Variants in CYFIP1 observed in about 807,000 individuals in gnomAD.
CYFIP1 encodes cytoplasmic FMR1-interacting protein 1.
A neutral mutation model predicts 163.5 loss-of-function variants in CYFIP1; 58 were observed. The ratio of observed to expected loss-of-function variants is 0.35; its 90% CI spans 0.29 to 0.44. The LOEUF (loss-of-function observed/expected upper bound fraction) is 0.44. Among genes scored for constraint, CYFIP1 ranks in the 20% least tolerant of loss-of-function variants. CYFIP1 has a pLI of 1.00. For missense variants in CYFIP1, 1,338 were observed against 1,653.8 expected, an observed-to-expected ratio of 0.81 and a Z score of 3.31; for synonymous variants, 663 against 660.7, an observed-to-expected ratio of 1.00 and a Z score of -0.05.
At chr15:22,932,514 G>A (rs983088725) in intron 10 of CYFIP1, among the ~76,000 whole-genome samples, 174 bp from the exon 11 acceptor site, 2 of 152,234 alleles carry the variant, frequency 1.3e-5, no homozygotes, top group African/African-American at 4.8e-5. Context: ...CCTGTGGCCT[G>A]TAAAGCCTAA....
intron 21 of CYFIP1, chr15:22,904,697 C>T (rs1266118072): frequency 2.0e-5 from 3 of 152,164 alleles, no homozygotes; most frequent in Non-Finnish European, 2.9e-5. Context: ...CGATCAAAGC[C>T]TCGACCAATG....
intron 9 of CYFIP1, among the ~76,000 whole-genome samples, chr15:22,934,978 T>C (rs1340788284): frequency 6.6e-6 from 1 of 152,118 alleles, no homozygotes; most frequent in African/African-American, 2.4e-5. Context: ...AATGATCATG[T>C]TTGTGCCTAG....
chr15:22,885,294 C>T (rs1334663300), intron 23 of CYFIP1, among the ~76,000 whole-genome samples: 1 of 152,158 alleles, frequency 6.6e-6, no homozygotes, highest in African/African-American at 2.4e-5. Context: ...ATCTCTAGGG[C>T]GGGGCAAAAT....
chr15:22,970,340 CATA>C (rs1407808883), intron 1 of CYFIP1, among the ~76,000 whole-genome samples: 1 of 152,156 alleles, frequency 6.6e-6, no homozygotes, highest in Non-Finnish European at 1.5e-5. Flanking sequence ...GATTGGAAGA[CATA>C]ATATTGTTAA....
At chr15:22,906,105 A>ATTTTT in intron 21 of CYFIP1, among the ~76,000 whole-genome samples, 1 of 145,582 alleles carries the variant, frequency 6.9e-6, no homozygotes, top group African/African-American at 2.6e-5. Flanking sequence ...TTATTTCTCG[A>ATTTTT]TTTATTTTTT....
intron 26 of CYFIP1, 93 bp from the exon 27 acceptor site, chr15:22,875,364 A>G (rs2059553710): frequency 9.5e-7 from 1 of 1,047,702 alleles, no homozygotes; most frequent in Non-Finnish European, 1.5e-6. Context: ...GCCTTTTAGC[A>G]TAAAATAAAC....
chr15:22,887,487 G>A (rs150968023), intron 23 of CYFIP1, among the ~76,000 whole-genome samples: 10 of 152,300 alleles, frequency 6.6e-5, no homozygotes, highest in South Asian at 4.1e-4. Context: ...AGAAGAACAC[G>A]AAAGTCATCA....
chr15:22,967,260 A>C (rs954001038), intron 1 of CYFIP1, among the ~76,000 whole-genome samples: 9 of 152,246 alleles, frequency 5.9e-5, no homozygotes, highest in Middle Eastern at 3.4e-3. Context: ...TAAATCTTGG[A>C]GAGTCTTCCT....
chr15:22,883,081 A>T, intron 23 of CYFIP1, 70 bp from the exon 24 acceptor site: 1 of 1,552,614 alleles, frequency 6.4e-7, no homozygotes, highest in East Asian at 2.3e-5. Context: ...CTGTGTGAGA[A>T]GATCACTCAA....
Position 22,903,921 on chromosome 15 carries a change from CA to C in CYFIP1, c.2389-17del, listed in dbSNP as rs1268524909. 1.9e-6 allele frequency: 3 copies of C among 1,612,586 alleles called. No individual in the cohort carries two copies. The highest frequency in any genetic ancestry group is 1.7e-4 in the Middle Eastern group (1 of 6,060). ...CATCCAGCTCCTGTGGCACCAAAGA[CA>C]GGGGTGGGTGACAGAGCTGGTCCAG... On this transcript the variant is annotated splice_polypyrimidine_tract_variant and intron_variant, in intron 21 of 30. Coordinates refer to ENST00000617928, the MANE Select transcript of CYFIP1 (RefSeq NM_014608.6).
In CYFIP1 at chr15:22,912,271, C is replaced by A. The variant is rs749204202; in HGVS notation, c.1990G>T (p.Val664Leu). ...ETKEASMMEYVLYSLDLYNDS... is the reference protein window; with the variant it reads ...ETKEASMMEYLLYSLDLYNDS... ...TTGTACAGGTCCAGGGAGTAGAGCA[C>A]GTACCTGCAGAGGACAGCAGCAGTG... Residue 664 changes from valine (V) to leucine (L), a missense_variant, in exon 18 of 31, where the codon GTG becomes TTG. Around this residue, in one of 4 missense-constraint regions of CYFIP1, gnomAD observed 824 missense variants for 995.7 expected, o/e 0.83. Coordinates refer to ENST00000617928, the MANE Select transcript of CYFIP1 (RefSeq NM_014608.6). 6.2e-7 allele frequency: 1 copy of A among 1,611,724 alleles called. No homozygotes were observed. Among genetic ancestry groups the A allele is most frequent in the African/African-American group, 1.3e-5 (1 of 74,840 alleles).
chr15:22,944,526 T>A, intron 5 of CYFIP1, 32 bp downstream of exon 5: 1 of 1,475,388 alleles, frequency 6.8e-7, no homozygotes, highest in Non-Finnish European at 9.4e-7. Context: ...CCCCTCGGTG[T>A]TACACCCCCC....
At chr15:22,875,562 A>C in intron 26 of CYFIP1, 1 of 319,556 alleles carries the variant, frequency 3.1e-6, no homozygotes, top group Non-Finnish European at 6.0e-6. Context: ...CACAGGTAAG[A>C]CCCAGTGTTG....
At chr15:22,966,186 TAAA>T (rs554142641) in intron 1 of CYFIP1, among the ~76,000 whole-genome samples, 1 of 145,186 alleles carries the variant, frequency 6.9e-6, no homozygotes, top group Non-Finnish European at 1.5e-5. Flanking sequence ...CCGTCTCTAC[TAAA>T]AAAAAAAATA....
chr15:22,965,201 A>G (rs1469331707), intron 1 of CYFIP1, among the ~76,000 whole-genome samples: 6 of 152,204 alleles, frequency 3.9e-5, no homozygotes, highest in Admixed American at 6.5e-5. Context: ...GCTCACGCCT[A>G]TAGTCCCAAC....
chr15:22,913,199 T>TG (rs199770403), intron 17 of CYFIP1, among the ~76,000 whole-genome samples: 32 of 135,268 alleles, frequency 2.4e-4, no homozygotes, highest in South Asian at 1.9e-3. Flanking sequence ...TTGTCTCTGT[T>TG]GGGGGGAAAA....
intron 10 of CYFIP1, among the ~76,000 whole-genome samples, chr15:22,933,471 C>T (rs2061604182): frequency 6.6e-6 from 1 of 151,874 alleles, no homozygotes. Flanking sequence ...CCCACCACCA[C>T]GCCCGGCTAA....
At chr15:22,958,441 A>G (rs1336732573) in intron 1 of CYFIP1, among the ~76,000 whole-genome samples, 1 of 152,242 alleles carries the variant, frequency 6.6e-6, no homozygotes, top group Non-Finnish European at 1.5e-5. Context: ...AAACCAGCTC[A>G]AAAGAACAGC....
chr15:22,928,364 C>T (rs1413331285), intron 11 of CYFIP1, among the ~76,000 whole-genome samples: 1 of 151,906 alleles, frequency 6.6e-6, no homozygotes, highest in Non-Finnish European at 1.5e-5. Context: ...GCCTGGGCGA[C>T]AGAGCGAGAC....
Sources: gnomAD v4.1 joint callset for allele counts (sites outside exome capture counted in the v4.1 genomes callset) on GRCh38, gnomAD v4.1.1 for gene constraint, gnomAD v4.1.1 regional missense constraint, MANE v1.5 for transcripts, NCBI Gene and HGNC (gene_info 2026-07-23, HGNC 2026-07-21) for gene names.